SERBP1: variants seen among roughly 807,000 people sequenced by gnomAD.
SERBP1 encodes SERPINE1 mRNA-binding protein 1.
In SERBP1, 6 loss-of-function variants were observed where a neutral mutation model predicts 50.2. That is an observed-to-expected ratio of 0.12 (90% CI 0.07 to 0.24). The LOEUF (loss-of-function observed/expected upper bound fraction) is 0.24. Among genes scored for constraint, SERBP1 ranks in the 10% least tolerant of loss-of-function variants. SERBP1 has a pLI of 1.00. For missense variants in SERBP1, 346 were observed against 524.9 expected (o/e 0.66, Z 3.33); for synonymous variants, 168 against 182.8 (o/e 0.92, Z 0.65).
intron 4 of SERBP1, 177 bp from the exon 5 acceptor site, chr1:67,424,454 C>T (rs1414273719): frequency 1.4e-5 from 10 of 725,872 alleles, no homozygotes; most frequent in East Asian, 2.8e-5. Flanking sequence ...CAGAAGACGT[C>T]GAAAAGTAAA....
Position 67,408,316 on chromosome 1 carries a change from C to G in SERBP1, c.*4891G>C, listed in dbSNP as rs190961199. On this transcript the variant is annotated 3_prime_UTR_variant, in exon 8 of 8. Transcript: ENST00000361219. Reference sequence around the variant, plus strand: ...TATACTTTCTTGCATATACAAGTCTCAAGAAGAGTAATGTCATACAAGAGC... The same window carrying G: ...TATACTTTCTTGCATATACAAGTCTGAAGAAGAGTAATGTCATACAAGAGC... 29 of 152,236 alleles carry G rather than the reference C, an allele frequency of 1.9e-4. No individual in the cohort carries two copies. Among genetic ancestry groups the G allele is most frequent in the African/African-American group, 6.7e-4 (28 of 41,528 alleles). 9.4% of individuals were successfully genotyped at this position (152,236 alleles called of 1,614,324 possible).
intron 5 of SERBP1, among the ~76,000 whole-genome samples, chr1:67,422,685 C>T (rs569603327): frequency 2.0e-5 from 3 of 151,838 alleles, no homozygotes; most frequent in East Asian, 2.0e-4. Context: ...TTAGGTCAGG[C>T]GTGGTGGCTC....
chr1:67,413,804 TTTTC>T (rs779079003), intron 7 of SERBP1, among the ~76,000 whole-genome samples: 1 of 152,042 alleles, frequency 6.6e-6, no homozygotes, highest in African/African-American at 2.4e-5. Context: ...ATATGGGTTG[TTTTC>T]TTTTTCTCTT....
intron 5 of SERBP1, among the ~76,000 whole-genome samples, chr1:67,421,595 AT>A (rs1205807510): frequency 6.6e-6 from 1 of 152,200 alleles, no homozygotes; most frequent in African/African-American, 2.4e-5. Context: ...CTATCAATAC[AT>A]TAGTACCTTT....
intron 4 of SERBP1, 137 bp from the exon 5 acceptor site, chr1:67,424,414 T>A: frequency 8.9e-7 from 1 of 1,127,248 alleles, no homozygotes; most frequent in Non-Finnish European, 1.2e-6. Context: ...TCTCACATTC[T>A]CTAACTCCTT....
chr1:67,415,362 TTG>T, intron 6 of SERBP1, 23 bp from the exon 7 acceptor site: 1 of 1,533,254 alleles, frequency 6.5e-7, no homozygotes, highest in Non-Finnish European at 8.8e-7. Context: ...GTGAAGATGA[TTG>T]TGTTATTAGT....
At chr1:67,428,606 G>A (rs1268588275) in intron 1 of SERBP1, among the ~76,000 whole-genome samples, 4 of 152,056 alleles carry the variant, frequency 2.6e-5, no homozygotes, top group Admixed American at 2.0e-4. Flanking sequence ...TGGCCTAAGT[G>A]ATATACATGC....
intron 2 of SERBP1, among the ~76,000 whole-genome samples, chr1:67,425,894 C>G (rs1667356217): frequency 6.6e-6 from 1 of 152,126 alleles, no homozygotes; most frequent in South Asian, 2.1e-4. Context: ...TGCAGGAGGA[C>G]AGCTTGAGCA....
rs1185687992 is a variant in SERBP1, at chr1:67,409,018, T to G, written c.*4189A>C. 6.6e-6 allele frequency: 1 copy of G among 152,154 alleles called. No homozygotes were observed. Among genetic ancestry groups the G allele is most frequent in the Admixed American group, 6.6e-5 (1 of 15,260 alleles). 9.4% of individuals were successfully genotyped at this position (152,154 alleles called of 1,614,324 possible). A position where few individuals can be genotyped will look rare whatever the true frequency, so the allele number is the denominator to read the frequency against. ...TGGAGTACAGTGCTATGATCTTGGC[T>G]CACTGCAACCCCCACCTCCCGGGTT... On this transcript the variant is annotated 3_prime_UTR_variant, in exon 8 of 8. Transcript: ENST00000361219.
At chr1:67,413,652 A>AAC (rs1366566020) in intron 7 of SERBP1, among the ~76,000 whole-genome samples, 1 of 151,758 alleles carries the variant, frequency 6.6e-6, no homozygotes, top group Non-Finnish European at 1.5e-5. Context: ...CCATCTCAAA[A>AAC]AAAAAAAAAA....
intron 7 of SERBP1, 126 bp from the exon 8 acceptor site, chr1:67,413,389 C>CTGT: frequency 1.2e-6 from 1 of 840,880 alleles, no homozygotes; most frequent in South Asian, 2.2e-5. Flanking sequence ...TGGCTCACAC[C>CTGT]TGTAATCCCA....
At position 67,430,376 on chromosome 1, in the gene SERBP1, T is replaced by C. The variant is rs1307839464; in HGVS notation, c.-76A>G. On this transcript the variant is annotated 5_prime_UTR_variant, in exon 1 of 8. Transcript: ENST00000361219. Reference sequence around the variant, plus strand: ...AGCCAAGAGCGCCTGCTTCAGCTCTTCCCACAAGATGGCCGGGCCGAGAGA... The same window carrying C: ...AGCCAAGAGCGCCTGCTTCAGCTCTCCCCACAAGATGGCCGGGCCGAGAGA... The C allele has an allele frequency of 3.5e-6, 5 of 1,423,278 alleles. No homozygotes were observed. The highest frequency in any genetic ancestry group is 2.9e-5 in the South Asian group (2 of 69,614). 88.2% of individuals were successfully genotyped at this position (1,423,278 alleles called of 1,614,324 possible). A position where few individuals can be genotyped will look rare whatever the true frequency, so the allele number is the denominator to read the frequency against.
At chr1:67,426,362 G>A (rs1667379464) in intron 1 of SERBP1, 77 bp from the exon 2 acceptor site, 34 of 1,395,608 alleles carry the variant, frequency 2.4e-5, no homozygotes, top group Non-Finnish European at 3.0e-5. Flanking sequence ...GTCAAAAGCT[G>A]CTTCTCTTCC....
intron 5 of SERBP1, among the ~76,000 whole-genome samples, chr1:67,421,957 G>A (rs988897684): frequency 5.9e-5 from 9 of 152,096 alleles, no homozygotes; most frequent in African/African-American, 2.2e-4. Context: ...AAAAAGTTGT[G>A]TTGACCACTA....
At chr1:67,422,640 T>C (rs1667237908) in intron 5 of SERBP1, among the ~76,000 whole-genome samples, 1 of 148,074 alleles carries the variant, frequency 6.8e-6, no homozygotes, top group South Asian at 2.1e-4. Flanking sequence ...TAAACCACAA[T>C]ACTGTAACAA....
chr1:67,420,319 C>T, intron 5 of SERBP1, 133 bp from the exon 6 acceptor site: 3 of 805,398 alleles, frequency 3.7e-6, no homozygotes, highest in Non-Finnish European at 5.7e-6. Context: ...GATGAGGGTA[C>T]CCTAGTTTCC....
chr1:67,423,697 T>C (rs998513375), intron 5 of SERBP1, among the ~76,000 whole-genome samples: 5 of 152,212 alleles, frequency 3.3e-5, no homozygotes, highest in African/African-American at 1.2e-4. Flanking sequence ...TAATGCTATG[T>C]TCCAAATTCT....
At chr1:67,419,145 G>C (rs920665836) in intron 6 of SERBP1, among the ~76,000 whole-genome samples, 21 of 152,322 alleles carry the variant, frequency 1.4e-4, no homozygotes, top group African/African-American at 5.1e-4. Context: ...CTTGAGACAA[G>C]CAAGCCCAAT....
In SERBP1 at chr1:67,410,085, T is replaced by C. The variant is rs569081537; in HGVS notation, c.*3122A>G. 2.6e-5 allele frequency: 4 copies of C among 152,324 alleles called. No homozygotes were observed. The highest frequency in any genetic ancestry group is 4.8e-5 in the African/African-American group (2 of 41,590). The allele number at this position is 152,324 out of a possible 1,614,324, so 9.4% of individuals were successfully genotyped here. A position where few individuals can be genotyped will look rare whatever the true frequency, so the allele number is the denominator to read the frequency against. On this transcript the variant is annotated 3_prime_UTR_variant, in exon 8 of 8. Coordinates refer to ENST00000361219, the MANE Select transcript of SERBP1 (RefSeq NM_001018069.2). ...GAGATCCCTGGAATTTGCTATACCA[T>C]TGGACTGGAGGTCCACTAATATACC...
Sources: allele counts gnomAD v4.1 joint callset (sites outside exome capture counted in the v4.1 genomes callset), GRCh38; gene constraint gnomAD v4.1.1; transcripts MANE v1.5; gene names NCBI Gene and HGNC (gene_info 2026-07-23, HGNC 2026-07-21).